Variants in MARCHF10 observed in about 807,000 individuals in gnomAD.
The protein encoded by MARCHF10 is probable E3 ubiquitin-protein ligase MARCHF10.
In MARCHF10, 64 loss-of-function variants were observed where a neutral mutation model predicts 76.2. That is an observed-to-expected ratio of 0.84 (90% CI 0.69 to 1.03). MARCHF10 has a LOEUF of 1.03. Among genes scored for constraint, MARCHF10 ranks in the 50% least tolerant of loss-of-function variants. MARCHF10 has a pLI of 0.00. For missense variants in MARCHF10, 875 were observed against 958.0 expected (o/e 0.91, Z 1.14); for synonymous variants, 340 against 357.5 (o/e 0.95, Z 0.55).
chr17:62,724,502 G>T (rs2090655459), intron 7 of MARCHF10, among the ~76,000 whole-genome samples: 3 of 152,140 alleles, frequency 2.0e-5, no homozygotes, highest in South Asian at 4.1e-4. Flanking sequence ...GGATGTGTGT[G>T]CTGGGGGTCT....
intron 8 of MARCHF10, among the ~76,000 whole-genome samples, chr17:62,715,596 T>C (rs1367853933): frequency 6.6e-6 from 1 of 152,142 alleles, no homozygotes; most frequent in Non-Finnish European, 1.5e-5. Flanking sequence ...CAGGAGCAAA[T>C]GTAGGCTTGC....
chr17:62,801,587 G>C, intron 2 of MARCHF10, 59 bp downstream of exon 2: 2 of 1,433,910 alleles, frequency 1.4e-6, no homozygotes, highest in Non-Finnish European at 2.0e-6. Context: ...GCTGTATTCT[G>C]AATTCTCTCT....
At chr17:62,709,796 C>T (rs1427652550) in intron 9 of MARCHF10, among the ~76,000 whole-genome samples, 1 of 151,440 alleles carries the variant, frequency 6.6e-6, no homozygotes, top group Non-Finnish European at 1.5e-5. Context: ...GTCACACAGG[C>T]TGGAGTGCGG....
chr17:62,796,908 A>T (rs968991439), intron 2 of MARCHF10, among the ~76,000 whole-genome samples: 5 of 152,048 alleles, frequency 3.3e-5, no homozygotes, highest in Non-Finnish European at 7.4e-5. Context: ...TGGGAGGATA[A>T]CTTGAGGCTG....
At chr17:62,704,610 C>A (rs1018032228) in intron 10 of MARCHF10, among the ~76,000 whole-genome samples, 3 of 152,242 alleles carry the variant, frequency 2.0e-5, no homozygotes, top group Admixed American at 6.5e-5. Context: ...CTCAAAAGCA[C>A]CCCCGCAGTC....
intron 8 of MARCHF10, 57 bp downstream of exon 8, chr17:62,722,431 C>T (rs1048586764): frequency 2.0e-5 from 25 of 1,221,242 alleles, no homozygotes; most frequent in Non-Finnish European, 2.5e-5. Flanking sequence ...AATGTCTTCT[C>T]GCCCTGCCCC....
In MARCHF10 at chr17:62,737,167, G is replaced by T; in HGVS notation, c.701C>A (p.Ala234Asp). 6.2e-7 allele frequency: 1 copy of T among 1,614,056 alleles called. No homozygotes were observed. Among genetic ancestry groups the T allele is most frequent in the Non-Finnish European group, 8.5e-7 (1 of 1,180,036 alleles). ...TTTTCCTTGGAAGGCCTGGGACAGGGCTGGATGCAGCTCACTCTGGGAAGG... is the reference window on the plus strand; with the variant it reads ...TTTTCCTTGGAAGGCCTGGGACAGGTCTGGATGCAGCTCACTCTGGGAAGG... ...SAPSQSELHP[A>D]LSQAFQGKNS... Residue 234 changes from alanine to aspartate, a missense_variant, in exon 6 of 11, where the codon GCC (alanine) becomes GAC (aspartate). By Grantham distance (126) the Ala-to-Asp change is moderately radical (BLOSUM62 -2). Coordinates refer to ENST00000311269, the MANE Select transcript of MARCHF10 (RefSeq NM_152598.4).
At chr17:62,791,505 G>A (rs563434952) in intron 2 of MARCHF10, among the ~76,000 whole-genome samples, 4 of 152,320 alleles carry the variant, frequency 2.6e-5, no homozygotes, top group East Asian at 1.9e-4. Flanking sequence ...AAAAGGGGAG[G>A]AAGAATAGAT....
At chr17:62,720,709 C>T (rs2090438666) in intron 8 of MARCHF10, among the ~76,000 whole-genome samples, 1 of 152,180 alleles carries the variant, frequency 6.6e-6, no homozygotes, top group Non-Finnish European at 1.5e-5. Context: ...TGTGGGGATA[C>T]CCTTATGACA....
At chr17:62,803,881 C>T (rs28469128) in intron 1 of MARCHF10, among the ~76,000 whole-genome samples, 5,823 of 152,224 alleles carry the variant, frequency 0.038, 415 homozygotes, top group African/African-American at 0.13. Flanking sequence ...CATCAATTAA[C>T]TCATTCAATC....
intron 9 of MARCHF10, among the ~76,000 whole-genome samples, chr17:62,707,165 C>T (rs1287852441): frequency 5.3e-5 from 8 of 152,160 alleles, no homozygotes; most frequent in Non-Finnish European, 1.0e-4. Flanking sequence ...ATGTGGCTGC[C>T]CAAGTTCTCC....
At position 62,784,847 on chromosome 17, in the gene MARCHF10, A is replaced by G. The variant is rs553432115; in HGVS notation, c.210+3633T>C. 5.1e-4 allele frequency among the ~76,000 whole-genome samples: 78 copies of G among 152,342 alleles called. 2 individuals carry two copies. The South Asian group carries it at 0.016, about 31-fold the overall frequency. On this transcript the variant is annotated intron_variant, in intron 3 of 10. Transcript: ENST00000311269. ...GTGAAGGACCTCTTCAAGGAGAACT[A>G]CAAACCACTGTTCAACGAAATAAAA...
rs1178479625 is a variant in MARCHF10, at chr17:62,738,927, A to G, written c.536-1595T>C. Among the ~76,000 whole-genome samples, 1 of 152,144 alleles carries G rather than the reference A, an allele frequency of 6.6e-6. No homozygotes were observed. Among genetic ancestry groups the G allele is most frequent in the Non-Finnish European group, 1.5e-5 (1 of 68,020 alleles). On this transcript the variant is annotated intron_variant, in intron 5 of 10. Transcript: ENST00000311269. This position sits in a 1 kb window ranked among gnomAD's most constrained non-coding sequence, Gnocchi z 4.0. ...CAGCGCTGGAGCTGGTGGCGAGGCCACTCCAGACTGGGCCGACCCCCATTT... is the reference window on the plus strand; with the variant it reads ...CAGCGCTGGAGCTGGTGGCGAGGCCGCTCCAGACTGGGCCGACCCCCATTT...
intron 2 of MARCHF10, among the ~76,000 whole-genome samples, 161 bp from the exon 3 acceptor site, chr17:62,788,760 C>G (rs1339648202): frequency 6.6e-6 from 1 of 152,158 alleles, no homozygotes; most frequent in Non-Finnish European, 1.5e-5. Context: ...ATCACTCTTC[C>G]CTTTGCTTAA....
chr17:62,736,241 C>T lies in MARCHF10; in HGVS notation c.1627G>A (p.Glu543Lys). Residue 543 changes from glutamate to lysine, a missense_variant, in exon 6 of 11, where the codon GAA (glutamate) becomes AAA (lysine). Coordinates refer to ENST00000311269, the MANE Select transcript of MARCHF10 (RefSeq NM_152598.4). ...VNSAHEFAVR[E>K]AEDTTLTSQP... ...CTTGTTAAAGTAGTATCTTCTGCTT[C>T]CCTGACAGCAAATTCGTGTGCACTG... The T allele has an allele frequency of 1.2e-6, 2 of 1,614,178 alleles. No homozygotes were observed. The highest frequency in any genetic ancestry group is 1.3e-5 in the African/African-American group (1 of 75,042).
chr17:62,803,150 A>G (rs114667566), intron 1 of MARCHF10, among the ~76,000 whole-genome samples: 144 of 152,164 alleles, frequency 9.5e-4, no homozygotes, highest in African/African-American at 3.3e-3. Context: ...TTAGCCAGGT[A>G]TTGTGATGCA....
intron 4 of MARCHF10, among the ~76,000 whole-genome samples, chr17:62,745,622 C>T (rs1299427764): frequency 6.6e-6 from 1 of 152,184 alleles, no homozygotes; most frequent in Non-Finnish European, 1.5e-5. Context: ...ATCTGGGAAC[C>T]GTATGCCTTT....
At chr17:62,774,224 T>C (rs565417372) in intron 3 of MARCHF10, among the ~76,000 whole-genome samples, 9 of 152,156 alleles carry the variant, frequency 5.9e-5, no homozygotes, top group Admixed American at 1.3e-4. Context: ...GATGTGCTAT[T>C]GGGGATGGGG....
Position 62,728,246 on chromosome 17 carries a change from C to G in MARCHF10, c.1938-3142G>C, listed in dbSNP as rs1365436951. Among the ~76,000 whole-genome samples, 3 of 151,944 alleles carry G rather than the reference C, an allele frequency of 2.0e-5. No homozygotes were observed. The East Asian group carries it at 5.8e-4, about 29-fold the overall frequency. ...TCTCCATTGTTGCCAGGACTGGTTT[C>G]AAAGTTTTGGCCTCAACCAATCCTG... is the stretch of plus-strand genomic sequence containing the variant. On this transcript the variant is annotated intron_variant, in intron 6 of 10. Coordinates refer to ENST00000311269, the MANE Select transcript of MARCHF10 (RefSeq NM_152598.4).
Sources: allele counts gnomAD v4.1 joint callset (sites outside exome capture counted in the v4.1 genomes callset), GRCh38; gene constraint gnomAD v4.1.1; non-coding constraint Gnocchi (gnomAD v3.1); transcripts MANE v1.5; gene names NCBI Gene and HGNC (gene_info 2026-07-23, HGNC 2026-07-21).